The following CLSTN2 variants were observed in gnomAD, a reference collection of about 807,000 sequenced individuals.
CLSTN2 encodes the protein calsyntenin-2.
A neutral mutation model predicts 101.2 loss-of-function variants in CLSTN2; 48 were observed. That is an observed-to-expected ratio of 0.47 (90% confidence interval 0.38 to 0.60). The LOEUF is 0.60. Ranked by LOEUF, CLSTN2 falls within the 20% of genes least tolerant of loss-of-function variation. The pLI is 0.00. For missense variants in CLSTN2, 1,160 were observed against 1,238.2 expected, an observed-to-expected ratio of 0.94 and a Z score of 0.95; for synonymous variants, 481 against 463.6, an observed-to-expected ratio of 1.04 and a Z score of -0.48.
intron 4 of CLSTN2, among the ~76,000 whole-genome samples, chr3:140,417,657 G>C (rs2088445952): frequency 6.6e-6 from 1 of 152,168 alleles, no homozygotes; most frequent in Non-Finnish European, 1.5e-5. Context: ...TGTTCACCAT[G>C]GTTAACTGTG....
chr3:140,448,544 G>A lies in CLSTN2; in HGVS notation c.813G>A (p.Gln271=). Residue 271 remains glutamine, a synonymous_variant, in exon 6 of 17, where the codon CAG becomes CAA. Coordinates refer to ENST00000458420, the MANE Select transcript of CLSTN2 (RefSeq NM_022131.3). ...ACTGGACCAAGAGGATTGAGTACCA[G>A]CCTGGCTCCGGGAGCATGCCCCTGT... The part of the protein sequence containing the change: ...WQDWTKRIEY[Q]PGSGSMPLFP... 6.2e-7 allele frequency: 1 copy of A among 1,614,028 alleles called. No individual in the cohort carries two copies.
intron 1 of CLSTN2, among the ~76,000 whole-genome samples, chr3:139,977,170 G>A (rs1275287565): frequency 6.6e-6 from 1 of 152,162 alleles, no homozygotes; most frequent in East Asian, 1.9e-4. Context: ...GTGTTCCTGG[G>A]TCCTTAGATG....
intron 2 of CLSTN2, among the ~76,000 whole-genome samples, chr3:140,338,962 G>T (rs996373063): frequency 1.3e-5 from 2 of 152,190 alleles, no homozygotes; most frequent in South Asian, 2.1e-4. Flanking sequence ...GAGTATTCCC[G>T]CCGCCTGACA....
At chr3:140,110,262 C>T (rs763862541) in intron 1 of CLSTN2, among the ~76,000 whole-genome samples, 9 of 152,190 alleles carry the variant, frequency 5.9e-5, no homozygotes, top group East Asian at 3.9e-4. Flanking sequence ...GATGTTAAGA[C>T]GACCAACATC....
intron 7 of CLSTN2, among the ~76,000 whole-genome samples, chr3:140,463,785 G>A (rs1249781311): frequency 6.6e-6 from 1 of 152,206 alleles, no homozygotes; most frequent in African/African-American, 2.4e-5. Context: ...TTTTGTTATT[G>A]TGGGCCAAAG....
chr3:140,288,424 G>A (rs1027082882), intron 2 of CLSTN2, among the ~76,000 whole-genome samples: 1 of 152,124 alleles, frequency 6.6e-6, no homozygotes, highest in Non-Finnish European at 1.5e-5. Flanking sequence ...ATATCCAGCT[G>A]TTCCAAGAGG....
intron 3 of CLSTN2, among the ~76,000 whole-genome samples, chr3:140,404,323 G>C (rs1222091137): frequency 6.6e-6 from 1 of 152,244 alleles, no homozygotes; most frequent in African/African-American, 2.4e-5. Context: ...AGCTGGTGCA[G>C]AGGGAAGGGC....
chr3:140,250,652 TGG>T (rs2086555674), intron 2 of CLSTN2, among the ~76,000 whole-genome samples: 1 of 152,140 alleles, frequency 6.6e-6, no homozygotes, highest in African/African-American at 2.4e-5. Context: ...TTCTCCACAC[TGG>T]GAGAGTCAAG....
chr3:140,458,043 A>T (rs1933448955), intron 6 of CLSTN2, among the ~76,000 whole-genome samples: 1 of 152,166 alleles, frequency 6.6e-6, no homozygotes, highest in Admixed American at 6.5e-5. Context: ...ATGGATATAG[A>T]CCTGATGATC....
chr3:140,495,984 C>A (rs1934457712), intron 8 of CLSTN2, among the ~76,000 whole-genome samples: 1 of 152,070 alleles, frequency 6.6e-6, no homozygotes, highest in Non-Finnish European at 1.5e-5. Context: ...AAAATACTTT[C>A]TTCAAATTCC....
intron 1 of CLSTN2, among the ~76,000 whole-genome samples, chr3:140,163,587 C>T (rs1369313335): frequency 1.3e-5 from 2 of 151,900 alleles, no homozygotes; most frequent in Non-Finnish European, 2.9e-5. Flanking sequence ...CTACCAAGCA[C>T]TTGGTCCACA....
intron 2 of CLSTN2, among the ~76,000 whole-genome samples, chr3:140,402,211 A>T (rs757065863): frequency 6.6e-6 from 1 of 152,172 alleles, no homozygotes; most frequent in Non-Finnish European, 1.5e-5. Context: ...TCTTTCCTGA[A>T]TGAGACTTGA....
intron 2 of CLSTN2, among the ~76,000 whole-genome samples, chr3:140,395,183 AAAT>A (rs2088167478): frequency 6.6e-6 from 1 of 152,208 alleles, no homozygotes; most frequent in East Asian, 1.9e-4. Flanking sequence ...TTTTAAAATA[AAAT>A]AATATGTTTT....
chr3:140,431,420 T>G (rs1213997747), intron 5 of CLSTN2, among the ~76,000 whole-genome samples: 1 of 152,166 alleles, frequency 6.6e-6, no homozygotes, highest in Non-Finnish European at 1.5e-5. Context: ...CTCTACCTTT[T>G]CCTTAAAGAG....
In CLSTN2 at chr3:139,980,806, A is replaced by G. The variant is rs530148930; in HGVS notation, c.109+45323A>G. Among the ~76,000 whole-genome samples the G allele has an allele frequency of 1.1e-4, 16 of 152,248 alleles. No individual in the cohort carries two copies. In the East Asian group the frequency reaches 3.1e-3, roughly 29 times the overall value. The stretch of plus-strand genomic sequence containing the variant: ...AAAGGATTGTGCACCCACTGTGGGC[A>G]GAGCACTTCCAGGCACTACAGGATA... On this transcript the variant is annotated intron_variant, in intron 1 of 16. Transcript: ENST00000458420.
chr3:140,265,982 T>C (rs984169985), intron 2 of CLSTN2, among the ~76,000 whole-genome samples: 8 of 152,196 alleles, frequency 5.3e-5, no homozygotes, highest in African/African-American at 1.7e-4. Flanking sequence ...CATCACTACA[T>C]GGCCTCAGCT....
At chr3:140,372,852 GAGGATGGTTTGAGGGC>G (rs1288225582) in intron 2 of CLSTN2, among the ~76,000 whole-genome samples, 24 of 152,156 alleles carry the variant, frequency 1.6e-4, no homozygotes, top group Admixed American at 1.6e-3. Flanking sequence ...GCCAAGGTGG[GAGGATGGTTTGAGGGC>G]AGGAACTGGA....
chr3:140,429,868 T>C (rs2088610282), intron 5 of CLSTN2, among the ~76,000 whole-genome samples: 1 of 152,010 alleles, frequency 6.6e-6, no homozygotes, highest in African/African-American at 2.4e-5. Context: ...AAGGTGGCAG[T>C]TGGGCGTGTC....
At chr3:140,462,234 T>C (rs1933581577) in intron 7 of CLSTN2, among the ~76,000 whole-genome samples, 1 of 152,206 alleles carries the variant, frequency 6.6e-6, no homozygotes, top group South Asian at 2.1e-4. Flanking sequence ...TAACATTATC[T>C]CCACATCATT....
Sources: allele counts gnomAD v4.1 joint callset (sites outside exome capture counted in the v4.1 genomes callset), GRCh38; gene constraint gnomAD v4.1.1; transcripts MANE v1.5; gene names NCBI Gene and HGNC (gene_info 2026-07-23, HGNC 2026-07-21).